KICS2: variants seen among roughly 807,000 people sequenced by gnomAD.
KICS2 encodes KICSTOR subunit 2.
In KICS2, 13 loss-of-function variants were observed where a neutral mutation model predicts 31.4. That is an observed-to-expected ratio of 0.41 (90% confidence interval 0.27 to 0.66). The LOEUF (loss-of-function observed/expected upper bound fraction) is 0.66. Ranked by LOEUF, KICS2 falls within the 30% of genes least tolerant of loss-of-function variation. The pLI is 0.28. For synonymous variants in KICS2, 209 were observed against 214.8 expected (o/e 0.97, Z 0.24); for missense variants, 455 against 545.4 (o/e 0.83, Z 1.65).
In KICS2 at chr12:64,193,361, T is replaced by A. The variant is rs79254473; in HGVS notation, c.*481A>T. On this transcript the variant is annotated 3_prime_UTR_variant, in exon 3 of 3. Transcript: ENST00000398055. ...TTAATTTGTAGATCAGAATCATAAATCTACTAACTCCATATTCATTTGCTA... is the reference window on the plus strand; with the variant it reads ...TTAATTTGTAGATCAGAATCATAAAACTACTAACTCCATATTCATTTGCTA... The A allele has an allele frequency of 1.9e-3, 1,834 of 985,566 alleles. 27 individuals carry two copies. The African/African-American group carries it at 0.027, about 14-fold the overall frequency. The allele number at this position is 985,566 out of a possible 1,614,324, so 61.1% of individuals were successfully genotyped here.
intron 2 of KICS2, among the ~76,000 whole-genome samples, chr12:64,203,694 T>G (rs2037511369): frequency 6.6e-6 from 1 of 152,026 alleles, no homozygotes; most frequent in Non-Finnish European, 1.5e-5. Flanking sequence ...GTATCTAGAA[T>G]TTTTAAAAAA....
At chr12:64,189,878 C>T (rs2037366169), downstream of KICS2, among the ~76,000 whole-genome samples, 1 of 151,890 alleles carries the variant, frequency 6.6e-6, no homozygotes, top group African/African-American at 2.4e-5. Flanking sequence ...GATGGAAAAA[C>T]TGACAGAAAT....
intron 2 of KICS2, among the ~76,000 whole-genome samples, chr12:64,201,481 G>C (rs2037488208): frequency 8.3e-6 from 1 of 121,082 alleles, no homozygotes; most frequent in Non-Finnish European, 1.7e-5. Flanking sequence ...GGGAGGGATA[G>C]CATTGGGAGA....
Position 64,222,018 on chromosome 12 carries a change from G to T in KICS2, c.220C>A (p.Leu74Met). ...AEKVYHSLTY[L>M]GQKLGGQSFF... ...GCGGAGGTACCTAGTTTCTGCCCCA[G>T]GTAGGTGAGGCTGTGATAGACCTTC... Residue 74 changes from leucine (L) to methionine (M), a missense_variant, in exon 1 of 3, where the codon CTG becomes ATG. By Grantham distance (15) the Leu-to-Met change is conservative. Coordinates refer to ENST00000398055, the MANE Select transcript of KICS2 (RefSeq NM_152440.5). The T allele has an allele frequency of 6.2e-7, 1 of 1,613,652 alleles. No individual in the cohort carries two copies. The highest frequency in any genetic ancestry group is 1.1e-5 in the South Asian group (1 of 91,016).
intron 2 of KICS2, among the ~76,000 whole-genome samples, chr12:64,214,678 GA>G (rs1434264658): frequency 6.6e-6 from 1 of 151,996 alleles, no homozygotes; most frequent in Admixed American, 6.6e-5. Context: ...AGGAGTTCGA[GA>G]CCAGCCTGAC....
chr12:64,193,439 T>C lies in KICS2; in HGVS notation c.*403A>G, dbSNP rs1331121005. ...TTAATTCTAAAAAGGCCATTTAATA[T>C]CTCATCCCTATTACTCTTCCAAGAA... is the stretch of plus-strand genomic sequence containing the variant. On this transcript the variant is annotated 3_prime_UTR_variant, in exon 3 of 3. Transcript: ENST00000398055. The C allele has an allele frequency of 4.0e-6, 4 of 993,938 alleles. No individual in the cohort carries two copies. Among genetic ancestry groups the C allele is most frequent in the Admixed American group, 5.9e-5 (1 of 17,038 alleles). The allele number at this position is 993,938 out of a possible 1,614,324, so 61.6% of individuals were successfully genotyped here.
At chr12:64,205,048 T>A (rs1426619828) in intron 2 of KICS2, 1 of 152,324 alleles carries the variant, frequency 6.6e-6, no homozygotes, top group Non-Finnish European at 1.5e-5. Context: ...TCTTCTATAA[T>A]CATGGCTATT....
At chr12:64,213,217 A>G (rs889472473) in intron 2 of KICS2, among the ~76,000 whole-genome samples, 2 of 152,180 alleles carry the variant, frequency 1.3e-5, no homozygotes, top group Admixed American at 6.5e-5. Context: ...TCGTATTCCT[A>G]GCAAGAGGAT....
In KICS2 at chr12:64,193,812, G is replaced by C. The variant is rs2037404097; in HGVS notation, c.*30C>G. On this transcript the variant is annotated 3_prime_UTR_variant, in exon 3 of 3. Transcript: ENST00000398055. ...TTAGGGCAATTAAGAACAGTTTCTA[G>C]TCTTGAAACCCCTCCACGCAAATCA... The C allele has an allele frequency of 1.3e-6, 2 of 1,584,672 alleles. No individual in the cohort carries two copies. Among genetic ancestry groups the C allele is most frequent in the East Asian group, 4.5e-5 (2 of 44,674 alleles).
chr12:64,212,064 T>C (rs1390730754), intron 2 of KICS2, among the ~76,000 whole-genome samples: 1 of 152,182 alleles, frequency 6.6e-6, no homozygotes, highest in Non-Finnish European at 1.5e-5. Context: ...CAGAGAGAGA[T>C]AAGGCAAATG....
At chr12:64,210,670 G>A (rs185864526) in intron 2 of KICS2, among the ~76,000 whole-genome samples, 2 of 152,238 alleles carry the variant, frequency 1.3e-5, no homozygotes, top group East Asian at 3.9e-4. Flanking sequence ...CTAGCCACTT[G>A]GCAGACTGAG....
downstream of KICS2, among the ~76,000 whole-genome samples, chr12:64,189,463 G>A (rs1215942043): frequency 3.9e-5 from 6 of 152,050 alleles, no homozygotes; most frequent in African/African-American, 1.4e-4. Flanking sequence ...TATAAAGGGG[G>A]AAAAAAGGAT....
chr12:64,218,801 C>T (rs1270374845), intron 1 of KICS2, among the ~76,000 whole-genome samples: 1 of 151,938 alleles, frequency 6.6e-6, no homozygotes, highest in Non-Finnish European at 1.5e-5. Context: ...AAAAGCTTAT[C>T]GGTAAACGCT....
At position 64,192,577 on chromosome 12, in the gene KICS2, C is replaced by T. The variant is rs774869668; in HGVS notation, c.*1265G>A. 66 of 983,208 alleles carry T rather than the reference C, an allele frequency of 6.7e-5. No homozygotes were observed. The highest frequency in any genetic ancestry group is 1.1e-4 in the East Asian group (1 of 8,818). The allele number at this position is 983,208 out of a possible 1,614,324, so 60.9% of individuals were successfully genotyped here. On this transcript the variant is annotated 3_prime_UTR_variant, in exon 3 of 3. Coordinates refer to ENST00000398055, the MANE Select transcript of KICS2 (RefSeq NM_152440.5). ...CTCCACACAATCATGGGAAAAAAGACGAATATGACCATTACATTTCACACA... is the reference window on the plus strand; with the variant it reads ...CTCCACACAATCATGGGAAAAAAGATGAATATGACCATTACATTTCACACA...
intron 2 of KICS2, among the ~76,000 whole-genome samples, chr12:64,209,982 T>C (rs1173826367): frequency 1.3e-5 from 2 of 152,208 alleles, no homozygotes; most frequent in East Asian, 1.9e-4. Flanking sequence ...TCTAGAACAC[T>C]GAAACCATAA....
chr12:64,191,859 G>C lies in KICS2; in HGVS notation c.*1983C>G, dbSNP rs1180086669. ...GGAGGCCGAGGCGGGAGGCTCATGT[G>C]AGTCCAGGAGTTTGAGTCCAGCCCG... On this transcript the variant is annotated 3_prime_UTR_variant, in exon 3 of 3. Coordinates refer to ENST00000398055, the MANE Select transcript of KICS2 (RefSeq NM_152440.5). 1 of 152,052 alleles carries C rather than the reference G, an allele frequency of 6.6e-6. No individual in the cohort carries two copies. The highest frequency in any genetic ancestry group is 1.5e-5 in the Non-Finnish European group (1 of 68,032). 9.4% of individuals were successfully genotyped at this position (152,052 alleles called of 1,614,324 possible). A position where few individuals can be genotyped will look rare whatever the true frequency, so the allele number is the denominator to read the frequency against.
At chr12:64,199,812 GACAA>G (rs2037473239) in intron 2 of KICS2, among the ~76,000 whole-genome samples, 1 of 132,980 alleles carries the variant, frequency 7.5e-6, no homozygotes, top group Non-Finnish European at 1.6e-5. Context: ...ACCAACAACA[GACAA>G]ACAGAGAGCC....
intron 1 of KICS2, among the ~76,000 whole-genome samples, chr12:64,216,891 G>C (rs1028481894): frequency 6.6e-6 from 1 of 151,610 alleles, no homozygotes; most frequent in African/African-American, 2.4e-5. Context: ...TTAGGAAAAT[G>C]AAAAGAAAAA....
rs1385036563 is a variant in KICS2 at position 64,193,423 on chromosome 12, A to T, written c.*419T>A. The T allele has an allele frequency of 1.0e-6, 1 of 989,342 alleles. No individual in the cohort carries two copies. Among genetic ancestry groups the T allele is most frequent in the African/African-American group, 1.7e-5 (1 of 57,338 alleles). The allele number at this position is 989,342 out of a possible 1,614,324, so 61.3% of individuals were successfully genotyped here. ...AGAAAACATATAGTTCTTAATTCTA[A>T]AAAGGCCATTTAATATCTCATCCCT... On this transcript the variant is annotated 3_prime_UTR_variant, in exon 3 of 3. Coordinates refer to ENST00000398055, the MANE Select transcript of KICS2 (RefSeq NM_152440.5).
Sources: allele counts gnomAD v4.1 joint callset (sites outside exome capture counted in the v4.1 genomes callset), GRCh38; gene constraint gnomAD v4.1.1; transcripts MANE v1.5; gene names NCBI Gene and HGNC (gene_info 2026-07-23, HGNC 2026-07-21).